TRAPPC9: variants seen among roughly 807,000 people sequenced by gnomAD.
The protein encoded by TRAPPC9 is IKK2 binding protein.
Under a neutral mutation model 124.0 loss-of-function variants are expected in TRAPPC9, and 83 were observed. That is an observed-to-expected ratio of 0.67 (90% CI 0.56 to 0.80). The LOEUF (loss-of-function observed/expected upper bound fraction) is 0.80, where lower values mean the gene tolerates loss of function less well. Among genes scored for constraint, TRAPPC9 ranks in the 30% least tolerant of loss-of-function variants. The probability of loss-of-function intolerance (pLI) is 0.00; values close to 1 mark genes in which losing one functional copy is unlikely to be tolerated. For synonymous variants in TRAPPC9, 638 were observed against 617.5 expected (o/e 1.03, Z -0.49); for missense variants, 1,302 against 1,508.3 (o/e 0.86, Z 2.27).
At chr8:140,426,667 T>C (rs1268181598) in intron 4 of TRAPPC9, 26 bp from the exon 5 acceptor site, 1 of 1,611,442 alleles carries the variant, frequency 6.2e-7, no homozygotes, top group Non-Finnish European at 8.5e-7. Flanking sequence ...GATTATGGTA[T>C]TTTATTTGGA....
chr8:139,914,397 C>A (rs1831965502), intron 19 of TRAPPC9, among the ~76,000 whole-genome samples: 1 of 152,266 alleles, frequency 6.6e-6, no homozygotes, highest in Non-Finnish European at 1.5e-5. Context: ...TTGCAGTCAT[C>A]TTCCAGAGAG....
chr8:140,379,438 T>A lies in TRAPPC9; in HGVS notation c.1135-8258A>T, dbSNP rs555387859. Among the ~76,000 whole-genome samples, 5 of 152,316 alleles carry A rather than the reference T, an allele frequency of 3.3e-5. No individual in the cohort carries two copies. In the East Asian group the frequency reaches 9.6e-4, roughly 29 times the overall value. Reference sequence around the variant, plus strand: ...TGTGTGGATGGTTGTCAGGTTGGTGTTTCTTCAGGTGGGCAAGTGCGGAAA... The same window carrying A: ...TGTGTGGATGGTTGTCAGGTTGGTGATTCTTCAGGTGGGCAAGTGCGGAAA... On this transcript the variant is annotated intron_variant, in intron 7 of 22. Coordinates refer to ENST00000438773, the MANE Select transcript of TRAPPC9 (RefSeq NM_001160372.4).
chr8:140,004,847 C>T (rs1319076603), intron 18 of TRAPPC9, among the ~76,000 whole-genome samples: 1 of 152,128 alleles, frequency 6.6e-6, no homozygotes, highest in Non-Finnish European at 1.5e-5. Context: ...TTGCTCATTC[C>T]CAGGAGTGTA....
intron 19 of TRAPPC9, among the ~76,000 whole-genome samples, chr8:139,985,929 T>G (rs939454114): frequency 1.3e-5 from 2 of 152,294 alleles, no homozygotes; most frequent in East Asian, 3.9e-4. Context: ...ATATATGATA[T>G]GGAACCACTT....
At chr8:139,777,695 C>A (rs1821489432) in intron 21 of TRAPPC9, among the ~76,000 whole-genome samples, 1 of 152,214 alleles carries the variant, frequency 6.6e-6, no homozygotes, top group African/African-American at 2.4e-5. Context: ...GATAGATTTA[C>A]CCTCCGCCTG....
intron 17 of TRAPPC9, among the ~76,000 whole-genome samples, chr8:140,079,484 T>A (rs1034865783): frequency 2.0e-5 from 3 of 152,104 alleles, no homozygotes; most frequent in African/African-American, 7.2e-5. Flanking sequence ...AAGCAGCGGC[T>A]CCAGCAGAAA....
At chr8:140,220,548 A>G (rs2063315983) in intron 17 of TRAPPC9, among the ~76,000 whole-genome samples, 1 of 152,158 alleles carries the variant, frequency 6.6e-6, no homozygotes, top group South Asian at 2.1e-4. Context: ...AGCTCCTTCC[A>G]AGTTCAATCC....
At chr8:139,781,138 A>G (rs1009765609) in intron 21 of TRAPPC9, among the ~76,000 whole-genome samples, 1 of 152,184 alleles carries the variant, frequency 6.6e-6, no homozygotes, top group African/African-American at 2.4e-5. Flanking sequence ...TTACTAGTAT[A>G]ATCTAGCAGT....
intron 9 of TRAPPC9, among the ~76,000 whole-genome samples, chr8:140,349,557 T>A (rs1330209597): frequency 6.6e-6 from 1 of 152,060 alleles, no homozygotes; most frequent in East Asian, 1.9e-4. Context: ...TGAGCTGAGC[T>A]GCACATCGTG....
At chr8:140,048,676 A>C (rs1182407074) in intron 17 of TRAPPC9, among the ~76,000 whole-genome samples, 1 of 152,168 alleles carries the variant, frequency 6.6e-6, no homozygotes, top group African/African-American at 2.4e-5. Flanking sequence ...CTCTTCCCAG[A>C]GTGGGAGACT....
intron 4 of TRAPPC9, among the ~76,000 whole-genome samples, chr8:140,431,874 C>T (rs879777080): frequency 1.3e-5 from 2 of 152,180 alleles, no homozygotes; most frequent in African/African-American, 2.4e-5. Flanking sequence ...CTTTAAGGTG[C>T]TCCAGACAGT....
chr8:140,049,834 A>C (rs1044899710), intron 17 of TRAPPC9, among the ~76,000 whole-genome samples: 2 of 152,126 alleles, frequency 1.3e-5, no homozygotes, highest in Admixed American at 1.3e-4. Context: ...GTGAGGTGCG[A>C]GCTTTATTCC....
Position 139,771,235 on chromosome 8 carries a change from C to T in TRAPPC9, c.3056-39033G>A, listed in dbSNP as rs111728464. 7.6e-4 allele frequency among the ~76,000 whole-genome samples: 115 copies of T among 152,290 alleles called. 1 individual carries two copies. Among genetic ancestry groups the T allele is most frequent in the African/African-American group, 2.6e-3 (107 of 41,556 alleles). ...CAAACTCATCTCTTTTGAAACTTAA[C>T]GCATCATCTATCTGCCACATTTGCT... On this transcript the variant is annotated intron_variant, in intron 21 of 22. Coordinates refer to ENST00000438773, the MANE Select transcript of TRAPPC9 (RefSeq NM_001160372.4).
chr8:140,010,200 T>C (rs1302578842), intron 18 of TRAPPC9, among the ~76,000 whole-genome samples: 1 of 152,224 alleles, frequency 6.6e-6, no homozygotes, highest in Non-Finnish European at 1.5e-5. Context: ...AAATCTTAGA[T>C]TTTTGCAATT....
At chr8:140,036,841 AT>A (rs1042531120) in intron 17 of TRAPPC9, among the ~76,000 whole-genome samples, 1 of 151,878 alleles carries the variant, frequency 6.6e-6, no homozygotes. Context: ...CATTATTGTT[AT>A]TTTTTTTATT....
chr8:140,056,466 G>A (rs901997202), intron 17 of TRAPPC9, among the ~76,000 whole-genome samples: 2 of 151,410 alleles, frequency 1.3e-5, no homozygotes, highest in Admixed American at 6.6e-5. Flanking sequence ...CTGACTGACA[G>A]ACATATGAGA....
At chr8:139,787,328 G>A (rs1468762609) in intron 21 of TRAPPC9, among the ~76,000 whole-genome samples, 1 of 152,090 alleles carries the variant, frequency 6.6e-6, no homozygotes, top group African/African-American at 2.4e-5. Context: ...GATGTGGCTG[G>A]ACCCACTGTA....
chr8:140,406,642 G>A (rs893411692), intron 5 of TRAPPC9, among the ~76,000 whole-genome samples: 4 of 152,172 alleles, frequency 2.6e-5, no homozygotes, highest in Non-Finnish European at 5.9e-5. Context: ...GAACAAGACA[G>A]AAGAATAAAC....
At chr8:140,138,116 C>A (rs2061332811) in intron 17 of TRAPPC9, among the ~76,000 whole-genome samples, 1 of 152,178 alleles carries the variant, frequency 6.6e-6, no homozygotes, top group African/African-American at 2.4e-5. Context: ...GCCTGACCAA[C>A]ATGGTGAAAC....
Sources: gnomAD v4.1 joint callset for allele counts (sites outside exome capture counted in the v4.1 genomes callset) on GRCh38, gnomAD v4.1.1 for gene constraint, MANE v1.5 for transcripts, NCBI Gene and HGNC (gene_info 2026-07-23, HGNC 2026-07-21) for gene names.